Variants in UGT2B10 observed in about 807,000 individuals in gnomAD.
UGT2B10 encodes UDP-glucuronosyltransferase 2B10.
In UGT2B10, 51 loss-of-function variants were observed where a neutral mutation model predicts 43.7. The ratio of observed to expected loss-of-function variants is 1.17; its 90% CI spans 0.93 to 1.47. The LOEUF (loss-of-function observed/expected upper bound fraction) is 1.47. Among genes scored for constraint, UGT2B10 ranks in the 40% most tolerant of loss-of-function variants. The probability of loss-of-function intolerance (pLI) is 0.00; values close to 1 mark genes in which losing one functional copy is unlikely to be tolerated. For missense variants in UGT2B10, 696 were observed against 617.7 expected, an observed-to-expected ratio of 1.13 and a Z score of -1.34; for synonymous variants, 225 against 209.0, an observed-to-expected ratio of 1.08 and a Z score of -0.66.
At chr4:68,825,538 T>C (rs1315716787) in intron 3 of UGT2B10, among the ~76,000 whole-genome samples, 3 of 152,108 alleles carry the variant, frequency 2.0e-5, no homozygotes, top group Admixed American at 6.6e-5. Context: ...GCCTTCTATG[T>C]GTACATGTGT....
chr4:68,828,901 C>T (rs947375677), intron 5 of UGT2B10, among the ~76,000 whole-genome samples: 1 of 151,570 alleles, frequency 6.6e-6, no homozygotes, highest in African/African-American at 2.4e-5. Flanking sequence ...GTTATAAATA[C>T]TATTACTAAA....
intron 2 of UGT2B10, among the ~76,000 whole-genome samples, chr4:68,821,131 C>G (rs115416868): frequency 0.02 from 3,107 of 152,270 alleles, 125 homozygotes; most frequent in African/African-American, 0.071. Flanking sequence ...AAAAAACGTT[C>G]TGCCATATGT....
intron 4 of UGT2B10, among the ~76,000 whole-genome samples, chr4:68,826,781 T>A (rs1252924390): frequency 6.6e-6 from 1 of 152,132 alleles, no homozygotes; most frequent in African/African-American, 2.4e-5. Flanking sequence ...CTCTGTCTCC[T>A]GTTTCTACAA....
rs536095257 is a variant in UGT2B10, at chr4:68,817,073, G to A, written c.718+336G>A. On this transcript the variant is annotated intron_variant, in intron 1 of 5. Transcript: ENST00000265403. Reference sequence around the variant, plus strand: ...AAGATCCGTCAAGTAACATCTAACCGAATGCATAGATTTAGAATGAGTAAT... The same window carrying A: ...AAGATCCGTCAAGTAACATCTAACCAAATGCATAGATTTAGAATGAGTAAT... 7.4e-4 allele frequency among the ~76,000 whole-genome samples: 112 copies of A among 151,804 alleles called. 1 individual carries two copies. Among genetic ancestry groups the A allele is most frequent in the African/African-American group, 2.6e-3 (109 of 41,480 alleles).
intron 4 of UGT2B10, 22 bp from the exon 5 acceptor site, chr4:68,827,307 G>A (rs540637115): frequency 6.2e-7 from 1 of 1,611,950 alleles, no homozygotes; most frequent in Non-Finnish European, 8.5e-7. Context: ...GAATAATTTT[G>A]CTAAAATTCA....
intron 5 of UGT2B10, among the ~76,000 whole-genome samples, 195 bp downstream of exon 5, chr4:68,827,743 C>G (rs183179567): frequency 6.8e-4 from 103 of 151,662 alleles, no homozygotes; most frequent in African/African-American, 2.4e-3. Flanking sequence ...TAATGAGTAA[C>G]CAGTTAGTGA....
chr4:68,818,130 G>A lies in UGT2B10; in HGVS notation c.820G>A (p.Asp274Asn). The change falls in exon 2 of 6, where the codon GAT becomes AAT. Residue 274 changes from aspartate (D) to asparagine (N), a missense_variant. Physicochemically the swap from Asp to Asn is conservative, Grantham distance 23. Transcript: ENST00000265403. Reference sequence around the variant, plus strand: ...TCCTCATCCATTCTTACCAAATGTTGATTTTGTTGGAGGACTCCACTGCAA... The same window carrying A: ...TCCTCATCCATTCTTACCAAATGTTAATTTTGTTGGAGGACTCCACTGCAA... ...KFPHPFLPNV[D>N]FVGGLHCKPA... The A allele has an allele frequency of 6.2e-7, 1 of 1,611,540 alleles. No individual in the cohort carries two copies. The highest frequency in any genetic ancestry group is 1.7e-5 in the Admixed American group (1 of 59,794).
At chr4:68,824,592 G>A (rs1278190199) in intron 3 of UGT2B10, among the ~76,000 whole-genome samples, 1 of 152,150 alleles carries the variant, frequency 6.6e-6, no homozygotes, top group Non-Finnish European at 1.5e-5. Context: ...ATCTGATAAA[G>A]CTTTCTTGTA....
chr4:68,818,682 A>G (rs1737345566), intron 2 of UGT2B10, among the ~76,000 whole-genome samples: 1 of 151,826 alleles, frequency 6.6e-6, no homozygotes, highest in African/African-American at 2.4e-5. Flanking sequence ...GGAGTCACTG[A>G]TGAGTACGAT....
In UGT2B10 at chr4:68,831,415, A is replaced by G. The variant is rs748620110; in HGVS notation, c.*536A>G. On this transcript the variant is annotated 3_prime_UTR_variant, in exon 6 of 6. Transcript: ENST00000265403. ...TACAAAATGAGATTTTTATATAAGA[A>G]TGATTCAAATGTTCAGGGATGAAAG... Among the ~76,000 whole-genome samples the G allele has an allele frequency of 1.3e-5, 2 of 152,130 alleles. No homozygotes were observed. Among genetic ancestry groups the G allele is most frequent in the African/African-American group, 2.4e-5 (1 of 41,462 alleles).
chr4:68,817,882 A>G (rs1273802549), intron 1 of UGT2B10, 147 bp from the exon 2 acceptor site: 9 of 916,464 alleles, frequency 9.8e-6, no homozygotes, highest in Non-Finnish European at 1.4e-5. Flanking sequence ...AAAATAAATT[A>G]TTCCTATATA....
intron 3 of UGT2B10, among the ~76,000 whole-genome samples, chr4:68,823,641 G>A (rs1737625655): frequency 6.6e-6 from 1 of 152,008 alleles, no homozygotes; most frequent in Admixed American, 6.6e-5. Context: ...AACTTTTTAA[G>A]TATATTAATA....
Position 68,824,043 on chromosome 4 carries a change from G to C in UGT2B10, c.999+1641G>C, listed in dbSNP as rs552655743. Among the ~76,000 whole-genome samples, 4 of 152,292 alleles carry C rather than the reference G, an allele frequency of 2.6e-5. No homozygotes were observed. In the South Asian group the frequency reaches 6.2e-4, roughly 24 times the overall value. The stretch of plus-strand genomic sequence containing the variant: ...AGTTACGTTTTAATGGGTGACTTCA[G>C]TAGCACAATAACAATAGCAGGTATT... On this transcript the variant is annotated intron_variant, in intron 3 of 5. Transcript: ENST00000265403.
chr4:68,817,200 G>A (rs1381905673), intron 1 of UGT2B10, among the ~76,000 whole-genome samples: 1 of 151,720 alleles, frequency 6.6e-6, no homozygotes, highest in Non-Finnish European at 1.5e-5. Context: ...GTTACCAGGA[G>A]GTTGTCTTCA....
intron 3 of UGT2B10, among the ~76,000 whole-genome samples, chr4:68,822,913 G>A (rs1380346503): frequency 1.3e-5 from 2 of 152,198 alleles, no homozygotes; most frequent in African/African-American, 4.8e-5. Flanking sequence ...TATCCAATGG[G>A]TGAAGAACAC....
At position 68,817,066 on chromosome 4, in the gene UGT2B10, T is replaced by G. The variant is rs1737249968; in HGVS notation, c.718+329T>G. On this transcript the variant is annotated intron_variant, in intron 1 of 5. Coordinates refer to ENST00000265403, the MANE Select transcript of UGT2B10 (RefSeq NM_001075.6). ...AAACAGCAAGATCCGTCAAGTAACATCTAACCGAATGCATAGATTTAGAAT... is the reference window on the plus strand; with the variant it reads ...AAACAGCAAGATCCGTCAAGTAACAGCTAACCGAATGCATAGATTTAGAAT... Among the ~76,000 whole-genome samples the G allele has an allele frequency of 2.0e-5, 3 of 151,830 alleles. No individual in the cohort carries two copies. The South Asian group carries it at 6.2e-4, about 31-fold the overall frequency.
chr4:68,825,782 T>C (rs560244558), intron 3 of UGT2B10, among the ~76,000 whole-genome samples: 1 of 152,232 alleles, frequency 6.6e-6, no homozygotes, highest in East Asian at 1.9e-4. Flanking sequence ...CTATTGTGAA[T>C]AGTAGTGCAA....
intron 3 of UGT2B10, among the ~76,000 whole-genome samples, 179 bp from the exon 4 acceptor site, chr4:68,826,231 T>C (rs1737766831): frequency 6.6e-6 from 1 of 152,192 alleles, no homozygotes; most frequent in South Asian, 2.1e-4. Flanking sequence ...TGGTTTCTTA[T>C]ATACCTAAAT....
At chr4:68,826,838 C>T (rs1913318) in intron 4 of UGT2B10, among the ~76,000 whole-genome samples, 1 of 152,192 alleles carries the variant, frequency 6.6e-6, no homozygotes, top group South Asian at 2.1e-4. Flanking sequence ...TCAAATGCCA[C>T]TAAATATAAT....
Sources: allele counts gnomAD v4.1 joint callset (sites outside exome capture counted in the v4.1 genomes callset), GRCh38; gene constraint gnomAD v4.1.1; transcripts MANE v1.5; gene names NCBI Gene and HGNC (gene_info 2026-07-23, HGNC 2026-07-21).